METTL15: variants seen among roughly 807,000 people sequenced by gnomAD.
The protein encoded by METTL15 is methyltransferase 15, mitochondrial 12S rRNA N4-cytidine.
A neutral mutation model predicts 38.3 loss-of-function variants in METTL15; 34 were observed. That is an observed-to-expected ratio of 0.89 (90% CI 0.68 to 1.18). The LOEUF (loss-of-function observed/expected upper bound fraction) is 1.18, where lower values mean the gene tolerates loss of function less well. Among genes scored for constraint, METTL15 ranks in the 50% most tolerant of loss-of-function variants. METTL15 has a pLI of 0.00. For missense variants in METTL15, 438 were observed against 498.4 expected, an observed-to-expected ratio of 0.88 and a Z score of 1.15; for synonymous variants, 162 against 170.9, an observed-to-expected ratio of 0.95 and a Z score of 0.41.
At chr11:28,112,769 C>T (rs946307580) in intron 2 of METTL15, among the ~76,000 whole-genome samples, 7 of 152,058 alleles carry the variant, frequency 4.6e-5, no homozygotes, top group African/African-American at 1.7e-4. Flanking sequence ...GACTGATAGA[C>T]TGATTATCTT....
intron 5 of METTL15, among the ~76,000 whole-genome samples, chr11:28,369,261 C>T (rs74700592): frequency 0.038 from 5,753 of 151,418 alleles, 362 homozygotes; most frequent in African/African-American, 0.13. Flanking sequence ...GTCAAAAGCA[C>T]AAGAAGAAAA....
At chr11:28,139,250 AT>A (rs938732545) in intron 3 of METTL15, among the ~76,000 whole-genome samples, 3 of 151,564 alleles carry the variant, frequency 2.0e-5, no homozygotes, top group South Asian at 2.1e-4. Flanking sequence ...CAGAGTAAGG[AT>A]TTTTTTTTCC....
chr11:28,399,703 A>G (rs2076487994), intron 5 of METTL15, among the ~76,000 whole-genome samples: 1 of 151,900 alleles, frequency 6.6e-6, no homozygotes, highest in Non-Finnish European at 1.5e-5. Context: ...AAGATATAAA[A>G]TCTTTCTAAT....
chr11:28,269,849 G>GCCGGT (rs1366997492), intron 4 of METTL15, among the ~76,000 whole-genome samples: 1 of 152,204 alleles, frequency 6.6e-6, no homozygotes, highest in East Asian at 1.9e-4. Context: ...CAGCTTACAT[G>GCCGGT]CTGATCTCTG....
rs548574247 is a variant in METTL15 at position 28,341,787 on chromosome 11, T to A, written c.*190-10303T>A. 2.0e-4 allele frequency among the ~76,000 whole-genome samples: 30 copies of A among 152,192 alleles called. 2 individuals carry two copies. The highest frequency in any genetic ancestry group is 1.5e-5 in the Non-Finnish European group (1 of 68,038). On this transcript the variant is annotated intron_variant and NMD_transcript_variant, in intron 3 of 7. Coordinates refer to the METTL15 transcript ENST00000532947. Reference sequence around the variant, plus strand: ...GGAGTTTGTATTGGACATGCCAGTGTACTCTCCACTTCTGGAGTGGACTCT... The same window carrying A: ...GGAGTTTGTATTGGACATGCCAGTGAACTCTCCACTTCTGGAGTGGACTCT...
chr11:28,187,648 A>G (rs1851548426), intron 3 of METTL15, among the ~76,000 whole-genome samples: 1 of 150,880 alleles, frequency 6.6e-6, no homozygotes, highest in South Asian at 2.1e-4. Flanking sequence ...TTATAGGGAA[A>G]AATATATGTA....
intron 6 of METTL15, among the ~76,000 whole-genome samples, chr11:28,455,412 G>A (rs918753349): frequency 2.6e-5 from 4 of 151,656 alleles, no homozygotes; most frequent in Non-Finnish European, 4.4e-5. Context: ...TTTATTCCAC[G>A]TTACCATAGA....
At chr11:28,512,686 A>G (rs4465354) in intron 6 of METTL15, among the ~76,000 whole-genome samples, 68,392 of 151,886 alleles carry the variant, frequency 0.45, 15,958 homozygotes, top group Admixed American at 0.54. Flanking sequence ...AGTGCCACGC[A>G]CAGCCCCGGT....
At chr11:28,259,704 C>T (rs567038555) in intron 4 of METTL15, among the ~76,000 whole-genome samples, 84 of 152,220 alleles carry the variant, frequency 5.5e-4, no homozygotes, top group Non-Finnish European at 1.0e-3. Flanking sequence ...CATAGAAACA[C>T]TCTCCATACC....
intron 4 of METTL15, among the ~76,000 whole-genome samples, chr11:28,221,318 C>T (rs1160768439): frequency 6.6e-6 from 1 of 152,148 alleles, no homozygotes; most frequent in African/African-American, 2.4e-5. Context: ...ATTTGATCTT[C>T]CATCACTGAT....
At chr11:28,350,410 A>G (rs1850030762) in intron 3 of METTL15, among the ~76,000 whole-genome samples, 1 of 152,224 alleles carries the variant, frequency 6.6e-6, no homozygotes, top group African/African-American at 2.4e-5. Context: ...TTTATTACAA[A>G]ATTACATCTG....
chr11:28,515,223 G>T (rs538076871), intron 6 of METTL15, among the ~76,000 whole-genome samples: 15 of 152,272 alleles, frequency 9.9e-5, no homozygotes, highest in African/African-American at 2.9e-4. Context: ...AAATCATGTG[G>T]CTCTGCTTTA....
chr11:28,208,916 A>G (rs1488994612), intron 3 of METTL15, among the ~76,000 whole-genome samples: 1 of 151,980 alleles, frequency 6.6e-6, no homozygotes, highest in Non-Finnish European at 1.5e-5. Flanking sequence ...ATGAGAGTTG[A>G]TGGCTCCAAT....
At position 28,211,122 on chromosome 11, in the gene METTL15, T is replaced by A. The variant is rs144344435; in HGVS notation, c.331T>A (p.Ser111Thr). The change falls in exon 4 of 7, where the codon TCA (serine) becomes ACA (threonine). Residue 111 changes from serine (S) to threonine (T), a missense_variant. Ser to Thr is a moderately conservative substitution (Grantham distance 58). Transcript: ENST00000407364. ...GHTKAILQKE[S>T]DIVLYALDRD... The stretch of plus-strand genomic sequence containing the variant: ...CACAAAAGCCATTCTGCAGAAGGAG[T>A]CAGATATTGTTCTCTATGCCTTGGA... 1.1e-5 allele frequency: 17 copies of A among 1,612,602 alleles called. No individual in the cohort carries two copies. The African/African-American group carries it at 2.3e-4, about 22-fold the overall frequency.
Position 28,404,452 on chromosome 11 carries a change from T to C in METTL15, c.*359-19847T>C, listed in dbSNP as rs1205960951. ...TAGGGCTTACTTCCTGGTTTATAGG[T>C]GGCATCTTCTTGCTGTATCCTCACA... is the stretch of plus-strand genomic sequence containing the variant. On this transcript the variant is annotated intron_variant and NMD_transcript_variant, in intron 5 of 7. Transcript: ENST00000532947. Among the ~76,000 whole-genome samples the C allele has an allele frequency of 3.3e-5, 5 of 152,208 alleles. No individual in the cohort carries two copies. In the South Asian group the frequency reaches 1.0e-3, roughly 32 times the overall value.
chr11:28,315,458 G>T (rs1857445330), intron 6 of METTL15, among the ~76,000 whole-genome samples: 1 of 152,206 alleles, frequency 6.6e-6, no homozygotes, highest in Non-Finnish European at 1.5e-5. Flanking sequence ...GGTGGCTTGG[G>T]TGCTGTTAAA....
intron 6 of METTL15, among the ~76,000 whole-genome samples, chr11:28,464,984 C>G (rs992358577): frequency 1.3e-5 from 2 of 152,216 alleles, no homozygotes; most frequent in African/African-American, 4.8e-5. Context: ...CTTGGAAGAT[C>G]TGGTCACACT....
chr11:28,219,078 T>C (rs1268590993), intron 4 of METTL15, among the ~76,000 whole-genome samples: 1 of 152,192 alleles, frequency 6.6e-6, no homozygotes, highest in Non-Finnish European at 1.5e-5. Flanking sequence ...CCTCATAAAA[T>C]GAGTTAGGGA....
chr11:28,392,984 G>C (rs1649956465), intron 5 of METTL15, among the ~76,000 whole-genome samples: 1 of 151,764 alleles, frequency 6.6e-6, no homozygotes, highest in Admixed American at 6.6e-5. Context: ...AATGACAACG[G>C]GGAAAAAAAA....
Sources: allele counts gnomAD v4.1 joint callset (sites outside exome capture counted in the v4.1 genomes callset), GRCh38; gene constraint gnomAD v4.1.1; transcripts MANE v1.5; gene names NCBI Gene and HGNC (gene_info 2026-07-23, HGNC 2026-07-21).